Variants in CNTLN observed in about 807,000 individuals in gnomAD.
The protein encoded by CNTLN is centlein.
In CNTLN, 212 loss-of-function variants were observed where a neutral mutation model predicts 180.0. The observed-to-expected ratio is 1.18, with a 90% CI of 1.05 to 1.32. The LOEUF is 1.32. Ranked by LOEUF, CNTLN falls within the 40% of genes most tolerant of loss-of-function variation. The probability of loss-of-function intolerance (pLI) is 0.00; values close to 1 mark genes in which losing one functional copy is unlikely to be tolerated. For missense variants in CNTLN, 2,095 were observed against 1,610.9 expected (o/e 1.30, Z -5.14); for synonymous variants, 722 against 563.1 (o/e 1.28, Z -3.99).
At chr9:17,375,130 AATTGGAGG>A (rs1824648617) in intron 13 of CNTLN, among the ~76,000 whole-genome samples, 1 of 152,202 alleles carries the variant, frequency 6.6e-6, no homozygotes, top group Non-Finnish European at 1.5e-5. Flanking sequence ...ACATGGATGA[AATTGGAGG>A]TCATTGTGTT....
chr9:17,470,216 C>T (rs922434953), intron 23 of CNTLN, among the ~76,000 whole-genome samples: 5 of 151,840 alleles, frequency 3.3e-5, no homozygotes, highest in African/African-American at 1.2e-4. Context: ...TGATTTACGT[C>T]TGCTTCAAGA....
intron 12 of CNTLN, among the ~76,000 whole-genome samples, chr9:17,358,676 T>A (rs541768603): frequency 6.6e-6 from 1 of 152,172 alleles, no homozygotes; most frequent in Non-Finnish European, 1.5e-5. Flanking sequence ...TTTCTACTTT[T>A]TAAAGTATGT....
At chr9:17,350,584 G>A (rs968974739) in intron 12 of CNTLN, among the ~76,000 whole-genome samples, 5 of 152,204 alleles carry the variant, frequency 3.3e-5, no homozygotes, top group East Asian at 1.9e-4. Context: ...ATAACAAAAC[G>A]CCATAGGCTG....
At chr9:17,221,492 A>G (rs2132051490) in intron 2 of CNTLN, among the ~76,000 whole-genome samples, 1 of 152,260 alleles carries the variant, frequency 6.6e-6, no homozygotes, top group Non-Finnish European at 1.5e-5. Flanking sequence ...ACAACAAAAT[A>G]ATAAAGCAAG....
At chr9:17,402,587 C>T (rs186268192) in intron 15 of CNTLN, among the ~76,000 whole-genome samples, 15 of 151,926 alleles carry the variant, frequency 9.9e-5, no homozygotes, top group South Asian at 2.1e-4. Context: ...GGATAAAGCA[C>T]ATTGTCCTCC....
intron 6 of CNTLN, among the ~76,000 whole-genome samples, chr9:17,294,944 G>C (rs1817753388): frequency 6.8e-6 from 1 of 146,940 alleles, no homozygotes; most frequent in African/African-American, 2.5e-5. Context: ...GGGAGGCTCA[G>C]GCATGGTGGG....
chr9:17,250,497 GTA>G (rs1826072208), intron 5 of CNTLN, among the ~76,000 whole-genome samples: 1 of 151,820 alleles, frequency 6.6e-6, no homozygotes, highest in South Asian at 2.1e-4. Flanking sequence ...TGTTTGTTTA[GTA>G]TATATGTTAT....
intron 2 of CNTLN, among the ~76,000 whole-genome samples, chr9:17,185,270 C>G (rs1414722937): frequency 6.6e-6 from 1 of 152,148 alleles, no homozygotes; most frequent in East Asian, 1.9e-4. Context: ...ATGTCTAAAA[C>G]ATGAGTAAAT....
chr9:17,358,122 A>T lies in CNTLN; in HGVS notation c.1887-8495A>T, dbSNP rs569558383. Among the ~76,000 whole-genome samples the T allele has an allele frequency of 1.1e-3, 163 of 152,154 alleles. 1 individual carries two copies. The highest frequency in any genetic ancestry group is 1.9e-3 in the Non-Finnish European group (126 of 67,874). On this transcript the variant is annotated intron_variant, in intron 12 of 25. Transcript: ENST00000380647. The stretch of plus-strand genomic sequence containing the variant: ...AGAGAAAAATTTTACTCTTAAAGAG[A>T]TTCTTATGATGTTTTTAAAGGTAGT...
chr9:17,348,268 G>A (rs1822075233), intron 12 of CNTLN, among the ~76,000 whole-genome samples: 1 of 152,190 alleles, frequency 6.6e-6, no homozygotes, highest in Admixed American at 6.5e-5. Context: ...AATCGTTAAG[G>A]AGAAGCATTG....
At chr9:17,363,394 G>A (rs1379219266) in intron 12 of CNTLN, among the ~76,000 whole-genome samples, 2 of 151,960 alleles carry the variant, frequency 1.3e-5, no homozygotes, top group Admixed American at 6.6e-5. Context: ...CTTGTTTCCC[G>A]ACTTTTTAAT....
At chr9:17,454,462 C>G (rs1404771225) in intron 18 of CNTLN, among the ~76,000 whole-genome samples, 3 of 152,208 alleles carry the variant, frequency 2.0e-5, no homozygotes, top group African/African-American at 2.4e-5. Flanking sequence ...AGGAGGGATC[C>G]TAGATTGATT....
intron 12 of CNTLN, among the ~76,000 whole-genome samples, chr9:17,361,609 C>T (rs1823398668): frequency 6.6e-6 from 1 of 152,186 alleles, no homozygotes; most frequent in Non-Finnish European, 1.5e-5. Flanking sequence ...ACTGTAGATT[C>T]CTCCTCACTT....
intron 12 of CNTLN, among the ~76,000 whole-genome samples, chr9:17,345,095 T>A (rs1379741281): frequency 6.6e-6 from 1 of 152,198 alleles, no homozygotes; most frequent in African/African-American, 2.4e-5. Flanking sequence ...ATTTTATGGA[T>A]GGACCACCTT....
chr9:17,257,230 G>T (rs1343608545), intron 5 of CNTLN, among the ~76,000 whole-genome samples: 10 of 151,644 alleles, frequency 6.6e-5, no homozygotes, highest in Admixed American at 6.6e-4. Flanking sequence ...TGCGGTGTTT[G>T]GTATTTTGTT....
At chr9:17,437,240 G>C (rs1194940203) in intron 18 of CNTLN, among the ~76,000 whole-genome samples, 1 of 152,146 alleles carries the variant, frequency 6.6e-6, no homozygotes, top group African/African-American at 2.4e-5. Context: ...TTTGTTAACA[G>C]AATATCTGTG....
At chr9:17,495,324 G>A (rs375451310) in intron 25 of CNTLN, among the ~76,000 whole-genome samples, 3 of 152,056 alleles carry the variant, frequency 2.0e-5, no homozygotes, top group Non-Finnish European at 2.9e-5. Context: ...TGACAGCTCC[G>A]TTTGTGTTAT....
intron 19 of CNTLN, among the ~76,000 whole-genome samples, chr9:17,461,273 T>C (rs1447043728): frequency 6.6e-6 from 1 of 151,588 alleles, no homozygotes; most frequent in African/African-American, 2.4e-5. Context: ...AGAGAAAGAA[T>C]TGAAAATTAA....
chr9:17,142,858 C>A (rs1354149852), intron 1 of CNTLN, among the ~76,000 whole-genome samples: 1 of 152,070 alleles, frequency 6.6e-6, no homozygotes, highest in Non-Finnish European at 1.5e-5. Context: ...ATATAGAGGA[C>A]CTTGAATAAT....
Sources: gnomAD v4.1 joint callset for allele counts (sites outside exome capture counted in the v4.1 genomes callset) on GRCh38, gnomAD v4.1.1 for gene constraint, MANE v1.5 for transcripts, NCBI Gene and HGNC (gene_info 2026-07-23, HGNC 2026-07-21) for gene names.